Variants in MNAT1 observed in about 807,000 individuals in gnomAD.
MNAT1 encodes CDK-activating kinase assembly factor MAT1.
A neutral mutation model predicts 42.0 loss-of-function variants in MNAT1; 43 were observed. The ratio of observed to expected loss-of-function variants is 1.02; its 90% CI spans 0.80 to 1.32. The LOEUF is 1.32. Among genes scored for constraint, MNAT1 ranks in the 40% most tolerant of loss-of-function variants. The pLI, the probability that MNAT1 is intolerant of heterozygous loss-of-function variation, is 0.00. For synonymous variants in MNAT1, 118 were observed against 120.0 expected, an observed-to-expected ratio of 0.98 and a Z score of 0.11; for missense variants, 306 against 350.4, an observed-to-expected ratio of 0.87 and a Z score of 1.01.
intron 7 of MNAT1, among the ~76,000 whole-genome samples, chr14:60,903,326 A>C (rs1287115881): frequency 6.6e-6 from 1 of 152,094 alleles, no homozygotes; most frequent in East Asian, 1.9e-4. Flanking sequence ...CTATATTCCT[A>C]GATAGCTACC....
chr14:60,944,240 C>T (rs1360311264), intron 7 of MNAT1, among the ~76,000 whole-genome samples: 4 of 152,146 alleles, frequency 2.6e-5, no homozygotes, highest in African/African-American at 9.7e-5. Flanking sequence ...GCCAGGTGCC[C>T]TTCCTTATCA....
At chr14:60,865,832 C>T (rs2034190536) in intron 6 of MNAT1, among the ~76,000 whole-genome samples, 1 of 152,028 alleles carries the variant, frequency 6.6e-6, no homozygotes, top group Non-Finnish European at 1.5e-5. Context: ...CCTAGTGTTT[C>T]TTCTTCCTTC....
At chr14:60,915,016 A>G (rs948912977) in intron 7 of MNAT1, among the ~76,000 whole-genome samples, 3 of 152,188 alleles carry the variant, frequency 2.0e-5, no homozygotes, top group Non-Finnish European at 4.4e-5. Flanking sequence ...GTGAGAGAAG[A>G]TGCTGATTGA....
intron 1 of MNAT1, among the ~76,000 whole-genome samples, chr14:60,747,241 C>T (rs1188023699): frequency 6.6e-6 from 1 of 151,928 alleles, no homozygotes; most frequent in Non-Finnish European, 1.5e-5. Context: ...GCCCTGGCCT[C>T]CCAAAGTGCT....
In MNAT1 at chr14:60,835,151, C is replaced by T. The variant is rs146419248; in HGVS notation, c.687+16304C>T. Among the ~76,000 whole-genome samples, 22 of 152,054 alleles carry T rather than the reference C, an allele frequency of 1.4e-4. No homozygotes were observed. The South Asian group carries it at 3.3e-3, about 23-fold the overall frequency. On this transcript the variant is annotated intron_variant, in intron 6 of 7. Transcript: ENST00000261245. The stretch of plus-strand genomic sequence containing the variant: ...TTTTGAGCCTGTGTGTTTCTTTGCA[C>T]GTGAGATGGATCTCCTGAATACAGC...
At chr14:60,934,308 G>A (rs567503362) in intron 7 of MNAT1, among the ~76,000 whole-genome samples, 1 of 152,254 alleles carries the variant, frequency 6.6e-6, no homozygotes, top group East Asian at 1.9e-4. Flanking sequence ...CCTTTCCTTG[G>A]TGCCTTCCTG....
chr14:60,929,170 A>ATATATAT (rs1555336770), intron 7 of MNAT1, among the ~76,000 whole-genome samples: 5 of 47,460 alleles, frequency 1.1e-4, no homozygotes, highest in East Asian at 4.8e-4. Context: ...AAAAAAAAAA[A>ATATATAT]ATATATATAT....
chr14:60,938,399 C>T (rs2036057864), intron 7 of MNAT1, among the ~76,000 whole-genome samples: 1 of 152,024 alleles, frequency 6.6e-6, no homozygotes, highest in African/African-American at 2.4e-5. Context: ...GAGATATGTC[C>T]CATCAATAAC....
intron 7 of MNAT1, among the ~76,000 whole-genome samples, chr14:60,908,561 G>A (rs1286129238): frequency 3.3e-5 from 5 of 151,760 alleles, no homozygotes; most frequent in East Asian, 3.9e-4. Context: ...CTATGAGTGA[G>A]AACATGCGGT....
intron 3 of MNAT1, 50 bp from the exon 4 acceptor site, chr14:60,808,275 A>G (rs573527419): frequency 2.6e-6 from 3 of 1,174,142 alleles, no homozygotes; most frequent in East Asian, 2.7e-5. Flanking sequence ...TGTCTACTCA[A>G]GATTTATATT....
At chr14:60,928,197 T>C in intron 7 of MNAT1, among the ~76,000 whole-genome samples, 1 of 152,208 alleles carries the variant, frequency 6.6e-6, no homozygotes, top group East Asian at 1.9e-4. Context: ...CCATGTTTCA[T>C]TTCTTTTTAT....
intron 1 of MNAT1, among the ~76,000 whole-genome samples, chr14:60,752,341 A>G (rs1165735176): frequency 1.3e-5 from 2 of 152,188 alleles, no homozygotes; most frequent in African/African-American, 2.4e-5. Flanking sequence ...TGGGATTAGG[A>G]ATATAGTTTT....
rs2032572209 is a variant in MNAT1 at position 60,812,143 on chromosome 14, A to G, written c.561+16A>G. 1 of 1,514,276 alleles carries G rather than the reference A, an allele frequency of 6.6e-7. No individual in the cohort carries two copies. The highest frequency in any genetic ancestry group is 8.8e-7 in the Non-Finnish European group (1 of 1,135,884). The allele number at this position is 1,514,276 out of a possible 1,614,324, so 93.8% of individuals were successfully genotyped here. A position where few individuals can be genotyped will look rare whatever the true frequency, so the allele number is the denominator to read the frequency against. ...AGATGAGCTGGTATGTATTAATGCT[A>G]ATTGTGATTGTAAAAAACATTCTTC... On this transcript the variant is annotated intron_variant, in intron 5 of 7. Transcript: ENST00000261245.
At chr14:60,768,791 G>C (rs1594739463) in intron 1 of MNAT1, among the ~76,000 whole-genome samples, 1 of 152,188 alleles carries the variant, frequency 6.6e-6, no homozygotes, top group African/African-American at 2.4e-5. Flanking sequence ...CCTAGATTCA[G>C]CTAGGCCTCA....
At chr14:60,803,764 G>A (rs1438785359) in intron 3 of MNAT1, among the ~76,000 whole-genome samples, 2 of 152,146 alleles carry the variant, frequency 1.3e-5, no homozygotes, top group Non-Finnish European at 2.9e-5. Context: ...ATAAATTGGA[G>A]ATTGAAGTAA....
chr14:60,782,268 A>G (rs2031489802), intron 1 of MNAT1, among the ~76,000 whole-genome samples: 1 of 152,080 alleles, frequency 6.6e-6, no homozygotes, highest in South Asian at 2.1e-4. Flanking sequence ...CATTTCCCCA[A>G]TTTTCCAGGA....
chr14:60,784,179 ATTTT>A (rs71114155), intron 1 of MNAT1, among the ~76,000 whole-genome samples: 7 of 53,292 alleles, frequency 1.3e-4, no homozygotes, highest in South Asian at 1.7e-3. Context: ...TGCCTGGCTA[ATTTT>A]TTTTTTTTTT....
chr14:60,868,626 T>G (rs1244474331), intron 6 of MNAT1, among the ~76,000 whole-genome samples: 1 of 152,204 alleles, frequency 6.6e-6, no homozygotes, highest in South Asian at 2.1e-4. Context: ...GGGCAGGGGC[T>G]TGATCTGTTT....
intron 7 of MNAT1, among the ~76,000 whole-genome samples, chr14:60,886,345 A>G (rs1317037872): frequency 6.6e-6 from 1 of 152,004 alleles, no homozygotes; most frequent in Non-Finnish European, 1.5e-5. Context: ...TAGTATGGAC[A>G]TTTTAACAAT....
Sources: allele counts gnomAD v4.1 joint callset (sites outside exome capture counted in the v4.1 genomes callset), GRCh38; gene constraint gnomAD v4.1.1; transcripts MANE v1.5; gene names NCBI Gene and HGNC (gene_info 2026-07-23, HGNC 2026-07-21).